The following TUSC3 variants were observed in gnomAD, a reference collection of about 807,000 sequenced individuals.
TUSC3 encodes tumor suppressor candidate 3, also known as dolichyl-diphosphooligosaccharide--protein glycosyltransferase subunit TUSC3.
In TUSC3, 45 loss-of-function variants were observed where a neutral mutation model predicts 44.8. The ratio of observed to expected loss-of-function variants is 1.00; its 90% CI spans 0.79 to 1.29. The LOEUF is 1.29. TUSC3 is among the 50% of genes most tolerant of loss of function. The pLI is 0.00. For missense variants in TUSC3, 519 were observed against 437.9 expected, an observed-to-expected ratio of 1.19 and a Z score of -1.65; for synonymous variants, 212 against 152.9, an observed-to-expected ratio of 1.39 and a Z score of -2.85.
At chr8:15,693,651 A>G (rs1053930229) in intron 6 of TUSC3, among the ~76,000 whole-genome samples, 1 of 151,630 alleles carries the variant, frequency 6.6e-6, no homozygotes, top group African/African-American at 2.4e-5. Context: ...ATAGCATTTC[A>G]CAGGGGTTCT....
the TUSC3 span, among the ~76,000 whole-genome samples, chr8:15,826,942 T>C: frequency 6.6e-6 from 1 of 152,100 alleles, no homozygotes; most frequent in Non-Finnish European, 1.5e-5. Context: ...CTTGATTAAA[T>C]TCTGACTAAA....
At chr8:15,417,915 G>A (rs1037055584) in intron 1 of TUSC3, among the ~76,000 whole-genome samples, 1 of 152,096 alleles carries the variant, frequency 6.6e-6, no homozygotes, top group African/African-American at 2.4e-5. Flanking sequence ...GGAGCCTGCC[G>A]ATATTAATGA....
intron 6 of TUSC3, among the ~76,000 whole-genome samples, chr8:15,690,816 G>A (rs1409767425): frequency 2.0e-5 from 3 of 151,774 alleles, no homozygotes; most frequent in African/African-American, 7.3e-5. Context: ...TTGTAGGTGT[G>A]CAGCATTACT....
intron 1 of TUSC3, among the ~76,000 whole-genome samples, chr8:15,566,390 T>G (rs1231210796): frequency 6.6e-6 from 1 of 152,158 alleles, no homozygotes; most frequent in African/African-American, 2.4e-5. Context: ...ATCATTTTAT[T>G]ATTCCTCATA....
At chr8:15,456,207 A>G (rs7818874) in intron 1 of TUSC3, among the ~76,000 whole-genome samples, 2 of 151,966 alleles carry the variant, frequency 1.3e-5, no homozygotes, top group South Asian at 4.1e-4. Context: ...TGAGTAATAA[A>G]TCTGTATCCC....
At chr8:15,806,919 T>G in the TUSC3 span, 1 of 1,418,302 alleles carries the variant, frequency 7.1e-7, no homozygotes, top group South Asian at 1.1e-5. Flanking sequence ...CCCACTTCTA[T>G]CTGCACCATG....
rs189112387 is a variant in TUSC3, at chr8:15,629,796, A to G, written c.308+6547A>G. 9.6e-4 allele frequency among the ~76,000 whole-genome samples: 143 copies of G among 148,664 alleles called. 1 individual carries two copies. Among genetic ancestry groups the G allele is most frequent in the Non-Finnish European group, 1.8e-3 (121 of 67,402 alleles). ...AACTTGCATTTAGATTCTTCAGTTG[A>G]TTTTCCTTGCTTAAAGGCTGGTGAA... is the stretch of plus-strand genomic sequence containing the variant. On this transcript the variant is annotated intron_variant, in intron 2 of 10. Coordinates refer to ENST00000503731, the MANE Select transcript of TUSC3 (RefSeq NM_006765.4).
intron 6 of TUSC3, among the ~76,000 whole-genome samples, chr8:15,700,871 T>C (rs1809371287): frequency 6.6e-6 from 1 of 150,400 alleles, no homozygotes; most frequent in Admixed American, 6.6e-5. Flanking sequence ...TTTTTTTGCT[T>C]TGCCTGTTGG....
chr8:15,607,588 G>C (rs1804584034), intron 1 of TUSC3, among the ~76,000 whole-genome samples: 1 of 152,088 alleles, frequency 6.6e-6, no homozygotes, highest in Non-Finnish European at 1.5e-5. Flanking sequence ...AAGGTAAGCT[G>C]AGAGAATTTA....
intron 2 of TUSC3, among the ~76,000 whole-genome samples, chr8:15,528,672 A>G (rs969587881): frequency 4.6e-5 from 7 of 152,280 alleles, no homozygotes; most frequent in South Asian, 2.1e-4. Context: ...TGTTTCCAGA[A>G]TCTCAGAGAT....
At chr8:15,552,424 G>C (rs1034433819) in intron 1 of TUSC3, among the ~76,000 whole-genome samples, 3 of 151,754 alleles carry the variant, frequency 2.0e-5, no homozygotes, top group African/African-American at 7.2e-5. Flanking sequence ...GATTCAGACA[G>C]AAAATCAGGC....
rs539846804 is a variant in TUSC3, at chr8:15,591,621, A to G, written c.139-31459A>G. On this transcript the variant is annotated intron_variant, in intron 1 of 10. Coordinates refer to ENST00000503731, the MANE Select transcript of TUSC3 (RefSeq NM_006765.4). ...TAAAGGAAAATAATAGATTGTTGTGAGGGAGTGATTGGGAAAAGCTTTATT... is the reference window on the plus strand; with the variant it reads ...TAAAGGAAAATAATAGATTGTTGTGGGGGAGTGATTGGGAAAAGCTTTATT... 2.0e-5 allele frequency among the ~76,000 whole-genome samples: 3 copies of G among 152,306 alleles called. No individual in the cohort carries two copies. The East Asian group carries it at 5.8e-4, about 29-fold the overall frequency.
chr8:15,810,347 G>A, the TUSC3 span, among the ~76,000 whole-genome samples: 4 of 152,138 alleles, frequency 2.6e-5, no homozygotes, highest in African/African-American at 9.7e-5. Flanking sequence ...CTCTGGGGAA[G>A]AAAATCAAGG....
intron 1 of TUSC3, among the ~76,000 whole-genome samples, chr8:15,555,218 G>A (rs62504172): frequency 0.19 from 22,852 of 118,312 alleles, 2,565 homozygotes; most frequent in Middle Eastern, 0.29. Flanking sequence ...GTGTGATCTT[G>A]GCTTACTGCA....
intron 1 of TUSC3, among the ~76,000 whole-genome samples, chr8:15,612,584 A>G (rs1804810518): frequency 6.6e-6 from 1 of 152,188 alleles, no homozygotes; most frequent in African/African-American, 2.4e-5. Flanking sequence ...AGTTGCTATA[A>G]AGTTAAGCCT....
intron 1 of TUSC3, among the ~76,000 whole-genome samples, chr8:15,462,532 C>G (rs1315264511): frequency 6.6e-6 from 1 of 151,988 alleles, no homozygotes; most frequent in Admixed American, 6.6e-5. Flanking sequence ...TGTTATCTCC[C>G]TACGATATTA....
the TUSC3 span, among the ~76,000 whole-genome samples, chr8:15,816,607 G>A: frequency 2.7e-3 from 415 of 152,266 alleles, 2 homozygotes; most frequent in African/African-American, 9.5e-3. Flanking sequence ...TTCGTAAGAC[G>A]ATGTTGCCCA....
intron 1 of TUSC3, among the ~76,000 whole-genome samples, chr8:15,620,295 C>T (rs535724696): frequency 6.6e-6 from 1 of 152,180 alleles, no homozygotes; most frequent in East Asian, 1.9e-4. Flanking sequence ...ATGAAAAATA[C>T]CAGTTTGTCA....
chr8:15,508,056 A>C (rs1327437486), intron 2 of TUSC3, among the ~76,000 whole-genome samples: 6 of 152,146 alleles, frequency 3.9e-5, no homozygotes, highest in African/African-American at 1.4e-4. Flanking sequence ...AGCCTGGTCA[A>C]CATGGGGAAA....
Sources: gnomAD v4.1 joint callset for allele counts (sites outside exome capture counted in the v4.1 genomes callset) on GRCh38, gnomAD v4.1.1 for gene constraint, MANE v1.5 for transcripts, NCBI Gene and HGNC (gene_info 2026-07-23, HGNC 2026-07-21) for gene names.